The following CFAP68 variants were observed in gnomAD, a reference collection of about 807,000 sequenced individuals.
The protein encoded by CFAP68 is cilia and flagella associated protein 68, also known as cilia- and flagella-associated protein 68.
chr11:111,881,808 G>A, the CFAP68 span, among the ~76,000 whole-genome samples: 1 of 152,182 alleles, frequency 6.6e-6, no homozygotes, highest in African/African-American at 2.4e-5. Context: ...GGGGCATACA[G>A]CTCTGTATAG....
the CFAP68 span, chr11:111,882,436 T>C: frequency 1.2e-6 from 2 of 1,614,124 alleles, no homozygotes; most frequent in Non-Finnish European, 1.7e-6. Flanking sequence ...ATGGCCATGG[T>C]GAAGTGTGGA....
At chr11:111,882,343 C>G in the CFAP68 span, 1 of 1,586,678 alleles carries the variant, frequency 6.3e-7, no homozygotes, top group East Asian at 2.2e-5. Flanking sequence ...ATGCAATAAG[C>G]TTTTCTATTC....
At chr11:111,885,786 C>G in the CFAP68 span, 2 of 152,144 alleles carry the variant, frequency 1.3e-5, no homozygotes, top group Non-Finnish European at 2.9e-5. Flanking sequence ...CCATATATTA[C>G]CTCTCAAACC....
At chr11:111,882,520 C>G in the CFAP68 span, 2 of 1,614,066 alleles carry the variant, frequency 1.2e-6, no homozygotes, top group Non-Finnish European at 1.7e-6. Flanking sequence ...CCTATTCAAA[C>G]CGTACCCTGA....
the CFAP68 span, chr11:111,885,960 A>C: frequency 6.6e-6 from 1 of 152,164 alleles, no homozygotes; most frequent in African/African-American, 2.4e-5. Flanking sequence ...TATTGTAAAT[A>C]AACTATGTAC....
the CFAP68 span, chr11:111,880,952 C>T: frequency 2.8e-6 from 1 of 362,856 alleles, no homozygotes; most frequent in South Asian, 2.1e-5. Context: ...GAAAAATTCT[C>T]CTTTCCTGTG....
At chr11:111,882,565 G>T in the CFAP68 span, 1 of 1,610,744 alleles carries the variant, frequency 6.2e-7, no homozygotes, top group South Asian at 1.1e-5. Context: ...ATGACCTGAG[G>T]AATATCGTGC....
At chr11:111,882,278 T>C in the CFAP68 span, 5 of 1,053,228 alleles carry the variant, frequency 4.7e-6, no homozygotes, top group Admixed American at 2.1e-5. Flanking sequence ...GCTTGTGTTA[T>C]ACCTGGCTAT....
At chr11:111,881,067 C>A in the CFAP68 span, 1 of 452,078 alleles carries the variant, frequency 2.2e-6, no homozygotes, top group Non-Finnish European at 3.4e-6. Flanking sequence ...TGAAATTTGG[C>A]AATGGGAATG....
the CFAP68 span, chr11:111,880,759 C>T: frequency 2.2e-6 from 1 of 456,156 alleles, no homozygotes; most frequent in East Asian, 6.9e-5. Flanking sequence ...ATAGACTCAC[C>T]TTGAATTATT....
At chr11:111,883,880 A>T in the CFAP68 span, 2 of 1,572,774 alleles carry the variant, frequency 1.3e-6, no homozygotes, top group Non-Finnish European at 1.7e-6. Context: ...CAAAGCCTTA[A>T]ATTGGGCATC....
At chr11:111,881,701 T>A in the CFAP68 span, 2 of 1,402,352 alleles carry the variant, frequency 1.4e-6, no homozygotes, top group South Asian at 3.0e-5. Context: ...AAAAATGAAA[T>A]CAGACATTGA....
chr11:111,882,927 C>G, the CFAP68 span, among the ~76,000 whole-genome samples: 2 of 152,186 alleles, frequency 1.3e-5, no homozygotes, highest in Admixed American at 1.3e-4. Flanking sequence ...CCTATCTAGA[C>G]TTGTCATTTA....
At chr11:111,881,801 G>A in the CFAP68 span, among the ~76,000 whole-genome samples, 1 of 152,274 alleles carries the variant, frequency 6.6e-6, no homozygotes, top group African/African-American at 2.4e-5. Context: ...TCCTTAAGGG[G>A]CATACAGCTC....
chr11:111,883,019 T>C, the CFAP68 span: 1 of 811,850 alleles, frequency 1.2e-6, no homozygotes, highest in Non-Finnish European at 2.1e-6. Flanking sequence ...ACTAACACCA[T>C]AGAACTCAGT....
At chr11:111,884,144 G>C in the CFAP68 span, 1 of 305,764 alleles carries the variant, frequency 3.3e-6, no homozygotes, top group Non-Finnish European at 6.0e-6. Context: ...CAGCAACTCA[G>C]TTCTACATTT....
At chr11:111,883,748 T>A in the CFAP68 span, 2 of 1,528,136 alleles carry the variant, frequency 1.3e-6, no homozygotes, top group Non-Finnish European at 1.8e-6. Context: ...TTGTCTTTCC[T>A]TCCTTTTTTT....
At chr11:111,882,614 C>T in the CFAP68 span, 1 of 1,536,650 alleles carries the variant, frequency 6.5e-7, no homozygotes, top group East Asian at 2.3e-5. Context: ...CTAACTTTGT[C>T]TTTTTTGTTT....
chr11:111,882,458 A>C, the CFAP68 span: 1 of 1,614,202 alleles, frequency 6.2e-7, no homozygotes, highest in Non-Finnish European at 8.5e-7. Flanking sequence ...AGATTGGAAT[A>C]ATATGTCCAA....
Sources: gnomAD v4.1 joint callset for allele counts (sites outside exome capture counted in the v4.1 genomes callset) on GRCh38, gnomAD v4.1.1 for gene constraint, MANE v1.5 for transcripts, NCBI Gene and HGNC (gene_info 2026-07-23, HGNC 2026-07-21) for gene names.